The following SERPINB10 variants were observed in gnomAD, a reference collection of about 807,000 sequenced individuals.
SERPINB10 encodes the protein serpin family B member 10, also known as serpin B10.
In SERPINB10, 35 loss-of-function variants were observed where a neutral mutation model predicts 39.1. That is an observed-to-expected ratio of 0.90 (90% confidence interval 0.68 to 1.19). The LOEUF is 1.19. SERPINB10 is among the 50% of genes most tolerant of loss of function. The probability of loss-of-function intolerance (pLI) is 0.00; values close to 1 mark genes in which losing one functional copy is unlikely to be tolerated. For missense variants in SERPINB10, 546 were observed against 460.5 expected (o/e 1.19, Z -1.70); for synonymous variants, 190 against 158.1 (o/e 1.20, Z -1.52).
chr18:63,909,607 C>T (rs2050049401), intron 1 of SERPINB10, among the ~76,000 whole-genome samples: 1 of 151,894 alleles, frequency 6.6e-6, no homozygotes, highest in African/African-American at 2.4e-5. Context: ...TTTTCAGGAA[C>T]ATGTTACAAG....
At chr18:63,922,460 G>T (rs2050153014) in intron 5 of SERPINB10, among the ~76,000 whole-genome samples, 1 of 151,940 alleles carries the variant, frequency 6.6e-6, no homozygotes, top group African/African-American at 2.4e-5. Flanking sequence ...AGTAAGAATG[G>T]TGCTGGAGTT....
At chr18:63,914,404 A>T (rs1264493480) in intron 1 of SERPINB10, among the ~76,000 whole-genome samples, 2 of 152,016 alleles carry the variant, frequency 1.3e-5, no homozygotes, top group Non-Finnish European at 2.9e-5. Context: ...TTTTGTTTCC[A>T]TTTTTAAAAC....
Position 63,917,951 on chromosome 18 carries a change from C to A in SERPINB10, c.235-14C>A, listed in dbSNP as rs1336831983. The stretch of plus-strand genomic sequence containing the variant: ...GTTCAACATTTTATTTGACTAGTTC[C>A]TTCTCTTTTAAAGGAATTCAACTTG... On this transcript the variant is annotated splice_polypyrimidine_tract_variant and intron_variant, in intron 3 of 7. Coordinates refer to ENST00000238508, the MANE Select transcript of SERPINB10 (RefSeq NM_005024.3). 1.2e-5 allele frequency: 19 copies of A among 1,608,696 alleles called. No individual in the cohort carries two copies. Among genetic ancestry groups the A allele is most frequent in the Non-Finnish European group, 1.6e-5 (19 of 1,176,452 alleles).
chr18:63,935,585 GAAA>G lies in SERPINB10; in HGVS notation c.*349_*351del, dbSNP rs564291050. On this transcript the variant is annotated 3_prime_UTR_variant, in exon 8 of 8. Transcript: ENST00000238508. ...ATATATTTCATATACATCATTAAAT[GAAA>G]AAAAATCTTTATAAAGGTGATATGA... 5.5e-6 allele frequency: 1 copy of G among 181,794 alleles called. No individual in the cohort carries two copies. Among genetic ancestry groups the G allele is most frequent in the African/African-American group, 2.3e-5 (1 of 42,628 alleles). 11.3% of individuals were successfully genotyped at this position (181,794 alleles called of 1,614,324 possible).
rs905802460 is a variant in SERPINB10, at chr18:63,925,248, A to C, written c.491-4797A>C. ...AAGATAATTCAATAGATAAATGTAGAAATAGATACAGATGTGTGTATAATG... is the reference window on the plus strand; with the variant it reads ...AAGATAATTCAATAGATAAATGTAGCAATAGATACAGATGTGTGTATAATG... On this transcript the variant is annotated intron_variant, in intron 5 of 7. Transcript: ENST00000238508. Among the ~76,000 whole-genome samples the C allele has an allele frequency of 3.3e-5, 5 of 152,124 alleles. 1 individual carries two copies. The South Asian group carries it at 1.0e-3, about 31-fold the overall frequency.
intron 6 of SERPINB10, 148 bp downstream of exon 6, chr18:63,930,335 C>A: frequency 1.2e-6 from 1 of 826,854 alleles, no homozygotes; most frequent in Non-Finnish European, 1.9e-6. Flanking sequence ...GCCTTCAGTT[C>A]CATGGGGAAT....
chr18:63,932,727 G>A (rs2050232021), intron 6 of SERPINB10, among the ~76,000 whole-genome samples: 1 of 152,032 alleles, frequency 6.6e-6, no homozygotes, highest in Admixed American at 6.6e-5. Flanking sequence ...TGTAAAATAT[G>A]CCTTAGTTTT....
intron 4 of SERPINB10, among the ~76,000 whole-genome samples, chr18:63,918,390 A>G (rs2050120595): frequency 6.6e-6 from 1 of 152,174 alleles, no homozygotes; most frequent in South Asian, 2.1e-4. Context: ...TGTCTACTTG[A>G]GAGCAAAACT....
chr18:63,917,896 C>A (rs1450190235), intron 3 of SERPINB10, 69 bp from the exon 4 acceptor site: 4 of 1,382,460 alleles, frequency 2.9e-6, no homozygotes, highest in East Asian at 2.3e-5. Context: ...TTTTATTTAG[C>A]TTTAGTTTGC....
Position 63,930,077 on chromosome 18 carries a change from G to A in SERPINB10, c.523G>A (p.Val175Met). Residue 175 changes from valine (V) to methionine (M), a missense_variant, in exon 6 of 8, where the codon GTG (valine) becomes ATG (methionine). By Grantham distance (21) the Val-to-Met change is conservative (BLOSUM62 1). Transcript: ENST00000238508. ...KIQNLLPDDS[V>M]DSTTRMILVN... ...CCAGAATCTCCTGCCTGATGACTCT[G>A]TGGATTCCACAACCAGGATGATTCT... is the stretch of plus-strand genomic sequence containing the variant. 1 of 1,613,476 alleles carries A rather than the reference G, an allele frequency of 6.2e-7. No individual in the cohort carries two copies. The highest frequency in any genetic ancestry group is 8.5e-7 in the Non-Finnish European group (1 of 1,179,668).
At chr18:63,917,548 T>C (rs745478892) in intron 3 of SERPINB10, 27 bp downstream of exon 3, 3 of 1,299,870 alleles carry the variant, frequency 2.3e-6, no homozygotes, top group African/African-American at 1.5e-5. Flanking sequence ...AATATATATT[T>C]CATAATTAAG....
At chr18:63,929,977 C>T (rs2050209583) in intron 5 of SERPINB10, 68 bp from the exon 6 acceptor site, 1 of 1,505,386 alleles carries the variant, frequency 6.6e-7, no homozygotes, top group Non-Finnish European at 9.0e-7. Flanking sequence ...AAATAGAAGC[C>T]TGGTTGTCTT....
chr18:63,918,818 T>C (rs2050124211), intron 4 of SERPINB10, among the ~76,000 whole-genome samples: 1 of 152,004 alleles, frequency 6.6e-6, no homozygotes, highest in Non-Finnish European at 1.5e-5. Context: ...TCCTTTCTTG[T>C]AGGCTCATGG....
chr18:63,928,657 T>C (rs2050197204), intron 5 of SERPINB10, among the ~76,000 whole-genome samples: 1 of 152,134 alleles, frequency 6.6e-6, no homozygotes, highest in Admixed American at 6.5e-5. Flanking sequence ...TTTCACGATA[T>C]TGATTCTTCC....
At chr18:63,917,024 T>C (rs1033692270) in intron 2 of SERPINB10, among the ~76,000 whole-genome samples, 5 of 150,882 alleles carry the variant, frequency 3.3e-5, no homozygotes, top group African/African-American at 1.2e-4. Flanking sequence ...TGGTAGACAA[T>C]AGGAACTGAG....
At chr18:63,909,850 G>T (rs764894368) in intron 1 of SERPINB10, among the ~76,000 whole-genome samples, 85 of 152,126 alleles carry the variant, frequency 5.6e-4, no homozygotes, top group Non-Finnish European at 1.0e-3. Flanking sequence ...TTTTGAAGAT[G>T]GCATTTGATC....
At chr18:63,920,012 G>C (rs1287391635) in intron 5 of SERPINB10, 107 bp downstream of exon 5, 1 of 595,172 alleles carries the variant, frequency 1.7e-6, no homozygotes, top group Non-Finnish European at 2.9e-6. Flanking sequence ...TAGAAGTGTG[G>C]ACACATTGTA....
At chr18:63,908,137 CA>C (rs539082464) in intron 1 of SERPINB10, 97 bp downstream of exon 1, 4 of 215,730 alleles carry the variant, frequency 1.9e-5, no homozygotes, top group East Asian at 1.7e-4. Context: ...CCCCTTCCCC[CA>C]AAAAAGTCCA....
Position 63,935,066 on chromosome 18 carries a change from G to C in SERPINB10, c.1018G>C (p.Ala340Pro). 6.2e-7 allele frequency: 1 copy of C among 1,614,140 alleles called. No individual in the cohort carries two copies. Among genetic ancestry groups the C allele is most frequent in the Non-Finnish European group, 8.5e-7 (1 of 1,180,032 alleles). ...NLFLSNVFHK[A>P]FVEINEQGTE... ...ATTTTTGTCCAATGTTTTCCATAAG[G>C]CTTTTGTGGAAATAAATGAACAAGG... The change falls in exon 8 of 8, where the codon GCT becomes CCT. Residue 340 changes from alanine (A) to proline (P), a missense_variant. Ala to Pro is a conservative substitution (Grantham distance 27, BLOSUM62 -1). Coordinates refer to ENST00000238508, the MANE Select transcript of SERPINB10 (RefSeq NM_005024.3).
Sources: allele counts gnomAD v4.1 joint callset (sites outside exome capture counted in the v4.1 genomes callset), GRCh38; gene constraint gnomAD v4.1.1; transcripts MANE v1.5; gene names NCBI Gene and HGNC (gene_info 2026-07-23, HGNC 2026-07-21).